IDUA: variants seen among roughly 807,000 people sequenced by gnomAD.
The protein encoded by IDUA is alpha-L-iduronidase, also known as iduronidase alpha-L-.
In IDUA, 65 loss-of-function variants were observed where a neutral mutation model predicts 68.9. The observed-to-expected ratio is 0.94, with a 90% CI of 0.77 to 1.16. IDUA has a LOEUF of 1.16. Ranked by LOEUF, IDUA falls within the 50% of genes most tolerant of loss-of-function variation. The pLI is 0.00. For synonymous variants in IDUA, 529 were observed against 433.6 expected (o/e 1.22, Z -2.73); for missense variants, 1,046 against 938.0 (o/e 1.12, Z -1.50).
intron 2 of IDUA, among the ~76,000 whole-genome samples, chr4:994,591 C>G (rs1714625466): frequency 6.6e-6 from 1 of 151,876 alleles, no homozygotes; most frequent in South Asian, 2.1e-4. Context: ...GCACCCGCCA[C>G]CACGCCCGGC....
In IDUA at chr4:989,286, C is replaced by T. The variant is rs1418691701; in HGVS notation, c.299+1337C>T. On this transcript the variant is annotated intron_variant, in intron 2 of 13. Coordinates refer to ENST00000514224, the MANE Select transcript of IDUA (RefSeq NM_000203.5). ...TGTAGAGTGACTGCAGGAAGAAGTC[C>T]TTGTTGGCATAGTACAGCGGCCCCC... The T allele has an allele frequency of 2.5e-6, 4 of 1,612,686 alleles. No individual in the cohort carries two copies. The South Asian group carries it at 3.3e-5, about 13-fold the overall frequency.
At chr4:1,003,753 G>T (rs1188674508) in intron 12 of IDUA, 128 bp downstream of exon 12, 4 of 1,077,822 alleles carry the variant, frequency 3.7e-6, no homozygotes, top group Middle Eastern at 2.1e-4. Context: ...GCCGCCCTGC[G>T]TCCCTGCCCT....
chr4:1,000,592 C>A lies in IDUA; in HGVS notation c.300-20C>A. On this transcript the variant is annotated intron_variant, in intron 2 of 13. Coordinates refer to ENST00000514224, the MANE Select transcript of IDUA (RefSeq NM_000203.5). ...GCTGTGTGGGCACCCTGCTTCCTGA[C>A]GCTGACCGTCCTTCTGCAGGGGGTC... The A allele has an allele frequency of 1.3e-6, 2 of 1,599,738 alleles. No homozygotes were observed. The highest frequency in any genetic ancestry group is 1.7e-6 in the Non-Finnish European group (2 of 1,168,048).
At chr4:1,003,951 C>T in intron 12 of IDUA, 61 bp from the exon 13 acceptor site, 2 of 1,389,272 alleles carry the variant, frequency 1.4e-6, no homozygotes, top group East Asian at 2.3e-5. Flanking sequence ...CCGTGCCCTG[C>T]CTGCTCCCAC....
intron 5 of IDUA, 27 bp downstream of exon 5, chr4:1,001,590 C>T: frequency 5.0e-6 from 8 of 1,611,906 alleles, no homozygotes; most frequent in African/African-American, 1.3e-5. Flanking sequence ...GGGGTCCTGC[C>T]CGGCTGAAAG....
In IDUA at chr4:995,759, T is replaced by C. The variant is rs374780528; in HGVS notation, c.300-4853T>C. Among the ~76,000 whole-genome samples, 7 of 152,310 alleles carry C rather than the reference T, an allele frequency of 4.6e-5. No homozygotes were observed. The South Asian group carries it at 6.2e-4, about 14-fold the overall frequency. On this transcript the variant is annotated intron_variant, in intron 2 of 13. Coordinates refer to ENST00000514224, the MANE Select transcript of IDUA (RefSeq NM_000203.5). ...CACTCACCCCACCAAAGGTACCTCC[T>C]TGTGGAAGCCGTCTGCCAAGCGCTG...
At chr4:996,633 A>C (rs774088532) in intron 2 of IDUA, among the ~76,000 whole-genome samples, 9 of 152,222 alleles carry the variant, frequency 5.9e-5, no homozygotes, top group Non-Finnish European at 1.2e-4. Flanking sequence ...ATTGGGCCTT[A>C]TGCCCTTTTA....
chr4:991,114 G>T (rs1714265091), intron 2 of IDUA: 1 of 1,524,578 alleles, frequency 6.6e-7, no homozygotes, highest in East Asian at 2.3e-5. Flanking sequence ...CTGTGCCCAA[G>T]CAGGGCTCCT....
intron 1 of IDUA, 100 bp downstream of exon 1, chr4:987,342 C>T (rs1171961285): frequency 8.7e-7 from 1 of 1,155,190 alleles, no homozygotes; most frequent in South Asian, 1.4e-5. Flanking sequence ...GGAGCTCCCT[C>T]CTCTGGGGCC....
rs1471992644 is a variant in IDUA at position 989,297 on chromosome 4, A to G, written c.299+1348A>G. The G allele has an allele frequency of 1.2e-6, 2 of 1,612,358 alleles. No individual in the cohort carries two copies. The highest frequency in any genetic ancestry group is 2.7e-5 in the African/African-American group (2 of 74,914). ...TGCAGGAAGAAGTCCTTGTTGGCAT[A>G]GTACAGCGGCCCCCCAAAGCGGAAC... is the stretch of plus-strand genomic sequence containing the variant. On this transcript the variant is annotated intron_variant, in intron 2 of 13. Transcript: ENST00000514224.
intron 2 of IDUA, among the ~76,000 whole-genome samples, chr4:1,000,377 A>C (rs1012615921): frequency 6.6e-6 from 1 of 152,182 alleles, no homozygotes; most frequent in Non-Finnish European, 1.5e-5. Context: ...CCCCACCCCA[A>C]GTTTTCCATC....
intron 2 of IDUA, among the ~76,000 whole-genome samples, chr4:998,681 T>C (rs1714885989): frequency 1.3e-5 from 2 of 151,990 alleles, no homozygotes; most frequent in African/African-American, 2.4e-5. Context: ...CCCTCAGATG[T>C]CCAACTCCAC....
At chr4:989,413 C>T (rs763363876) in intron 2 of IDUA, 8 of 1,559,272 alleles carry the variant, frequency 5.1e-6, no homozygotes, top group South Asian at 2.3e-5. Context: ...CAGGGCGGTG[C>T]GTGGGCGTTG....
At position 989,860 on chromosome 4, in the gene IDUA, G is replaced by A. The variant is rs560906557; in HGVS notation, c.299+1911G>A. 2.8e-5 allele frequency: 44 copies of A among 1,576,632 alleles called. No homozygotes were observed. The highest frequency in any genetic ancestry group is 1.7e-4 in the Middle Eastern group (1 of 5,902). On this transcript the variant is annotated intron_variant, in intron 2 of 13. Coordinates refer to ENST00000514224, the MANE Select transcript of IDUA (RefSeq NM_000203.5). ...GCCGTGACTGCGGGCGAACATCTCC[G>A]CCAGCGAGATGGAGAAGGCGGCAGC...
chr4:1,003,925 CTG>C, intron 12 of IDUA, 85 bp from the exon 13 acceptor site: 1 of 1,096,132 alleles, frequency 9.1e-7, no homozygotes, highest in African/African-American at 1.5e-5. Context: ...GGGAATGAGG[CTG>C]TGGGTCCACG....
rs765432091 is a variant in IDUA at position 1,002,429 on chromosome 4, A to G, written c.1133A>G (p.His378Arg). The change falls in exon 8 of 14, where the codon CAC (histidine) becomes CGC (arginine). Residue 378 changes from histidine (H) to arginine (R), a missense_variant. Transcript: ENST00000514224. ...RFQVNNTRPP[H>R]VQLLRKPVLT... Reference sequence around the variant, plus strand: ...CAGGTCAACAACACCCGCCCGCCGCACGTGCAGCTGTTGCGCAAGCCGGTG... The same window carrying G: ...CAGGTCAACAACACCCGCCCGCCGCGCGTGCAGCTGTTGCGCAAGCCGGTG... 6.4e-7 allele frequency: 1 copy of G among 1,570,692 alleles called. No homozygotes were observed. Among genetic ancestry groups the G allele is most frequent in the Non-Finnish European group, 8.6e-7 (1 of 1,160,372 alleles).
chr4:988,028 G>C, intron 2 of IDUA, 79 bp downstream of exon 2: 3 of 1,496,316 alleles, frequency 2.0e-6, no homozygotes, highest in Non-Finnish European at 2.7e-6. Flanking sequence ...GGGGCTGCTC[G>C]GAAGACCCCT....
rs2045064 is a variant in IDUA at position 988,559 on chromosome 4, C to T, written c.299+610C>T. ...TGAGCGTCAGGTCAGGCCCATCCCT[C>T]CTGAGCTGAGGGACGGTGCATTGGG... On this transcript the variant is annotated intron_variant, in intron 2 of 13. Coordinates refer to ENST00000514224, the MANE Select transcript of IDUA (RefSeq NM_000203.5). 1,253,888 of 1,303,044 alleles carry T rather than the reference C, an allele frequency of 0.96. 603,544 individuals carry two copies. Among genetic ancestry groups the T allele is most frequent in the East Asian group, 1 (31,765 of 31,766 alleles). The allele number at this position is 1,303,044 out of a possible 1,614,324, so 80.7% of individuals were successfully genotyped here.
chr4:990,291 G>T, intron 2 of IDUA: 1 of 1,603,456 alleles, frequency 6.2e-7, no homozygotes, highest in Non-Finnish European at 8.5e-7. Flanking sequence ...AGGCCCCCAT[G>T]GCAAAGCCAT....
Sources: gnomAD v4.1 joint callset for allele counts (sites outside exome capture counted in the v4.1 genomes callset) on GRCh38, gnomAD v4.1.1 for gene constraint, MANE v1.5 for transcripts, NCBI Gene and HGNC (gene_info 2026-07-23, HGNC 2026-07-21) for gene names.